CETN3: variants seen among roughly 807,000 people sequenced by gnomAD.
CETN3 encodes the protein centrin 3, also known as centrin-3.
A neutral mutation model predicts 20.1 loss-of-function variants in CETN3; 17 were observed. That is an observed-to-expected ratio of 0.85 (90% confidence interval 0.58 to 1.27). CETN3 has a LOEUF of 1.27. CETN3 is among the 50% of genes most tolerant of loss of function. The probability of loss-of-function intolerance (pLI) is 0.00; values close to 1 mark genes in which losing one functional copy is unlikely to be tolerated. For missense variants in CETN3, 169 were observed against 191.2 expected (o/e 0.88, Z 0.69); for synonymous variants, 52 against 59.7 (o/e 0.87, Z 0.59).
At chr5:90,409,023 A>C (rs1749546198) in intron 1 of CETN3, among the ~76,000 whole-genome samples, 1 of 152,040 alleles carries the variant, frequency 6.6e-6, no homozygotes, top group South Asian at 2.1e-4. Flanking sequence ...ATATTTTCGG[A>C]GTGTCGTAAG....
chr5:90,409,631 T>C lies in CETN3; in HGVS notation c.17+14A>G. The C allele has an allele frequency of 1.2e-6, 2 of 1,613,910 alleles. No homozygotes were observed. The highest frequency in any genetic ancestry group is 8.5e-7 in the Non-Finnish European group (1 of 1,179,970). On this transcript the variant is annotated intron_variant, in intron 1 of 4. Transcript: ENST00000283122. ...CCGGGGTGTGGAGAGCACTGCCGCC[T>C]CCTTATTACCGACCTCAGAGCTAAA...
chr5:90,404,777 G>A (rs1749390260), intron 3 of CETN3, among the ~76,000 whole-genome samples: 1 of 151,334 alleles, frequency 6.6e-6, no homozygotes, highest in South Asian at 2.1e-4. Flanking sequence ...AAAATAAGGG[G>A]TTTGTGTATA....
intron 1 of CETN3, 143 bp downstream of exon 1, chr5:90,409,502 G>A: frequency 2.2e-6 from 2 of 901,526 alleles, no homozygotes; most frequent in Admixed American, 1.8e-5. Flanking sequence ...GAGTGATCCG[G>A]GCAGGCTGCC....
At chr5:90,407,359 G>GAAACAA (rs1034811019) in intron 2 of CETN3, among the ~76,000 whole-genome samples, 1 of 151,736 alleles carries the variant, frequency 6.6e-6, no homozygotes, top group Non-Finnish European at 1.5e-5. Context: ...GAGTCACCAA[G>GAAACAA]AAACAAAAAC....
At chr5:90,409,523 T>C in intron 1 of CETN3, 122 bp downstream of exon 1, 2 of 1,215,358 alleles carry the variant, frequency 1.6e-6, no homozygotes, top group South Asian at 1.2e-5. Flanking sequence ...CTAGGCTCCT[T>C]TCCCGCGTCC....
rs745902779 is a variant in CETN3, at chr5:90,392,428, T to C, written c.*1636A>G. 1 of 152,226 alleles carries C rather than the reference T, an allele frequency of 6.6e-6. No homozygotes were observed. Among genetic ancestry groups the C allele is most frequent in the Non-Finnish European group, 1.5e-5 (1 of 68,034 alleles). 9.4% of individuals were successfully genotyped at this position (152,226 alleles called of 1,614,324 possible). A position where few individuals can be genotyped will look rare whatever the true frequency, so the allele number is the denominator to read the frequency against. On this transcript the variant is annotated 3_prime_UTR_variant, in exon 5 of 5. Transcript: ENST00000283122. ...TTGTATTCAAAATTAAGTTTTACTC[T>C]AGTTAACCTGCTGATATAGTTTGTA...
intron 4 of CETN3, chr5:90,396,487 G>A (rs1180783175): frequency 6.5e-7 from 1 of 1,530,460 alleles, no homozygotes; most frequent in South Asian, 1.2e-5. Context: ...TTTAGCCAGT[G>A]TGCACCTTCA....
chr5:90,406,868 T>C (rs943863662), intron 2 of CETN3, among the ~76,000 whole-genome samples: 1 of 121,590 alleles, frequency 8.2e-6, no homozygotes, highest in South Asian at 2.6e-4. Flanking sequence ...AAAAAAACAG[T>C]GGGAAAAGAG....
At chr5:90,399,152 G>A in intron 4 of CETN3, 2 of 599,292 alleles carry the variant, frequency 3.3e-6, no homozygotes, top group Non-Finnish European at 5.9e-6. Context: ...CACCTTCAGA[G>A]AAAAGTGAAG....
chr5:90,394,012 T>G lies in CETN3; in HGVS notation c.*52A>C. ...TTTCACATGGCTCCAGGCACAAAAA[T>G]AGAATATAAGATGGTAACTGCAACA... On this transcript the variant is annotated 3_prime_UTR_variant, in exon 5 of 5. Coordinates refer to ENST00000283122, the MANE Select transcript of CETN3 (RefSeq NM_004365.4). The G allele has an allele frequency of 1.6e-6, 2 of 1,281,434 alleles. No homozygotes were observed. The highest frequency in any genetic ancestry group is 2.2e-6 in the Non-Finnish European group (2 of 899,180). The allele number at this position is 1,281,434 out of a possible 1,614,324, so 79.4% of individuals were successfully genotyped here.
intron 1 of CETN3, among the ~76,000 whole-genome samples, chr5:90,409,239 T>C (rs1045090926): frequency 2.0e-5 from 3 of 152,094 alleles, no homozygotes; most frequent in Admixed American, 6.5e-5. Flanking sequence ...ATTTCCAAAA[T>C]TTATAGGTGG....
At chr5:90,408,266 A>G (rs1222814363) in intron 1 of CETN3, among the ~76,000 whole-genome samples, 1 of 152,210 alleles carries the variant, frequency 6.6e-6, no homozygotes, top group Non-Finnish European at 1.5e-5. Flanking sequence ...GACAATCACT[A>G]TATATCGGTT....
chr5:90,396,486 T>G (rs1433796927), intron 4 of CETN3: 30 of 1,530,644 alleles, frequency 2.0e-5, no homozygotes, highest in South Asian at 8.4e-5. Context: ...GTTTAGCCAG[T>G]GTGCACCTTC....
chr5:90,407,674 C>T, intron 2 of CETN3, 25 bp downstream of exon 2: 14 of 1,369,944 alleles, frequency 1.0e-5, no homozygotes, highest in Non-Finnish European at 1.4e-5. Flanking sequence ...AACACAGAAA[C>T]AAATATTTTA....
intron 3 of CETN3, among the ~76,000 whole-genome samples, chr5:90,404,768 A>G (rs1238240909): frequency 6.6e-6 from 1 of 152,162 alleles, no homozygotes; most frequent in African/African-American, 2.4e-5. Flanking sequence ...TTAATATTTA[A>G]AATAAGGGGT....
intron 4 of CETN3, chr5:90,396,129 G>C (rs1749131649): frequency 2.0e-6 from 2 of 979,586 alleles, no homozygotes; most frequent in African/African-American, 3.5e-5. Flanking sequence ...AAAGGAAGTA[G>C]AAAGAGAGCT....
intron 3 of CETN3, among the ~76,000 whole-genome samples, chr5:90,402,284 CAT>C (rs957040360): frequency 6.6e-6 from 1 of 152,240 alleles, no homozygotes; most frequent in African/African-American, 2.4e-5. Flanking sequence ...CTTTCTCAAA[CAT>C]ATCATATCCC....
chr5:90,392,961 T>G lies in CETN3; in HGVS notation c.*1103A>C, dbSNP rs1462820506. On this transcript the variant is annotated 3_prime_UTR_variant, in exon 5 of 5. Transcript: ENST00000283122. ...GATACTACACTTTAAACTTAAAAATTTAAAACAAGAATTCTAAAGAAAGAT... is the reference window on the plus strand; with the variant it reads ...GATACTACACTTTAAACTTAAAAATGTAAAACAAGAATTCTAAAGAAAGAT... 1 of 152,166 alleles carries G rather than the reference T, an allele frequency of 6.6e-6. No homozygotes were observed. The highest frequency in any genetic ancestry group is 6.6e-5 in the Admixed American group (1 of 15,266). The allele number at this position is 152,166 out of a possible 1,614,324, so 9.4% of individuals were successfully genotyped here.
chr5:90,395,690 T>C (rs997272781), intron 4 of CETN3: 4 of 188,582 alleles, frequency 2.1e-5, no homozygotes, highest in African/African-American at 7.1e-5. Context: ...GAAAAAAATA[T>C]ACACACGACA....
Sources: allele counts gnomAD v4.1 joint callset (sites outside exome capture counted in the v4.1 genomes callset), GRCh38; gene constraint gnomAD v4.1.1; transcripts MANE v1.5; gene names NCBI Gene and HGNC (gene_info 2026-07-23, HGNC 2026-07-21).